KLF15: variants seen among roughly 807,000 people sequenced by gnomAD.
KLF15 encodes Krueppel-like factor 15.
In KLF15, 4 loss-of-function variants were observed where a neutral mutation model predicts 24.6. The ratio of observed to expected loss-of-function variants is 0.16; its 90% CI spans 0.08 to 0.37. The LOEUF is 0.37. KLF15 is among the 10% of genes least tolerant of loss of function. KLF15 has a pLI of 1.00. For missense variants in KLF15, 496 were observed against 560.6 expected, an observed-to-expected ratio of 0.88 and a Z score of 1.16; for synonymous variants, 246 against 236.3, an observed-to-expected ratio of 1.04 and a Z score of -0.37.
rs774273199 is a variant in KLF15, at chr3:126,352,713, G to T, written c.210C>A (p.Thr70=). The change falls in exon 2 of 3, where the codon ACC becomes ACA. Residue 70 remains threonine, a synonymous_variant. Coordinates refer to ENST00000296233, the MANE Select transcript of KLF15 (RefSeq NM_014079.4). ...LCSCYGGGLG[T]ESQDSILDFL... Reference sequence around the variant, plus strand: ...AGTCCAAGATGCTGTCCTGGCTCTCGGTGCCCAGGCCTCCACCATAGCAGG... The same window carrying T: ...AGTCCAAGATGCTGTCCTGGCTCTCTGTGCCCAGGCCTCCACCATAGCAGG... 6.3e-7 allele frequency: 1 copy of T among 1,579,486 alleles called. No individual in the cohort carries two copies. Among genetic ancestry groups the T allele is most frequent in the Non-Finnish European group, 8.6e-7 (1 of 1,162,806 alleles).
At chr3:126,350,294 A>G (rs2082572640) in intron 2 of KLF15, among the ~76,000 whole-genome samples, 2 of 152,246 alleles carry the variant, frequency 1.3e-5, no homozygotes, top group Non-Finnish European at 2.9e-5. Context: ...GCCTAGGTAC[A>G]AAGCTCAGAG....
At chr3:126,310,734 G>A in the KLF15 span, among the ~76,000 whole-genome samples, 1 of 152,128 alleles carries the variant, frequency 6.6e-6, no homozygotes, top group Non-Finnish European at 1.5e-5. Context: ...AAGTCTTAAT[G>A]GATTAGGGCT....
chr3:126,294,864 TACACACACACACAC>T, the KLF15 span, among the ~76,000 whole-genome samples: 37 of 141,968 alleles, frequency 2.6e-4, no homozygotes, highest in African/African-American at 3.9e-4. Context: ...TGCCCCTCCA[TACACACACACACAC>T]ACACACACAC....
the KLF15 span, among the ~76,000 whole-genome samples, chr3:126,312,765 G>A: frequency 8.5e-3 from 1,298 of 152,324 alleles, 21 homozygotes; most frequent in African/African-American, 0.029. Context: ...CAGTTTTGGA[G>A]GCTGCAAGTC....
chr3:126,289,719 CG>C, the KLF15 span, among the ~76,000 whole-genome samples: 19 of 152,174 alleles, frequency 1.2e-4, no homozygotes, highest in Non-Finnish European at 2.1e-4. Context: ...TCTATGGATG[CG>C]TAACAACTTA....
In KLF15 at chr3:126,352,497, C is replaced by T. The variant is rs747671531; in HGVS notation, c.426G>A (p.Glu142=). 2 of 1,613,318 alleles carry T rather than the reference C, an allele frequency of 1.2e-6. No homozygotes were observed. Among genetic ancestry groups the T allele is most frequent in the African/African-American group, 2.7e-5 (2 of 74,940 alleles). The change falls in exon 2 of 3, where the codon GAG becomes GAA. Residue 142 remains glutamate, a synonymous_variant. Transcript: ENST00000296233. The stretch of plus-strand genomic sequence containing the variant: ...TCTCCTCCAGAAACTCTTCAATCTC[C>T]TCCAGGGTAGGCTGGAAGGGCCGTG... ...DVPRPFQPTL[E]EIEEFLEENM...
chr3:126,338,902 GT>G (rs1256957308), downstream of KLF15, among the ~76,000 whole-genome samples: 1 of 152,204 alleles, frequency 6.6e-6, no homozygotes, highest in Non-Finnish European at 1.5e-5. Flanking sequence ...TCAGCTCAGG[GT>G]TGAGGCCAAA....
At chr3:126,309,131 T>C in the KLF15 span, among the ~76,000 whole-genome samples, 2 of 152,082 alleles carry the variant, frequency 1.3e-5, no homozygotes, top group African/African-American at 4.8e-5. Flanking sequence ...CACCGTGACG[T>C]CAGGAGTCAA....
At chr3:126,348,104 A>G (rs774841736) in intron 2 of KLF15, among the ~76,000 whole-genome samples, 1 of 152,162 alleles carries the variant, frequency 6.6e-6, no homozygotes, top group Non-Finnish European at 1.5e-5. Flanking sequence ...GTTAGCACCC[A>G]ACACCGGGGT....
chr3:126,317,168 G>A, the KLF15 span, among the ~76,000 whole-genome samples: 2 of 152,162 alleles, frequency 1.3e-5, no homozygotes, highest in African/African-American at 4.8e-5. Context: ...TGGGGGCTGG[G>A]CCGCATTGCT....
the KLF15 span, among the ~76,000 whole-genome samples, chr3:126,302,143 A>G: frequency 6.6e-6 from 1 of 152,186 alleles, no homozygotes; most frequent in Non-Finnish European, 1.5e-5. Flanking sequence ...CCCATGGGTT[A>G]TTTAAAAGTG....
chr3:126,323,453 ATATATATAACATATATAT>A, the KLF15 span, among the ~76,000 whole-genome samples: 69 of 101,782 alleles, frequency 6.8e-4, 5 homozygotes, highest in African/African-American at 3.0e-3. Context: ...TATGTTATAT[ATATATATAACATATATAT>A]GTTATATATA....
At chr3:126,337,255 G>A in the KLF15 span, among the ~76,000 whole-genome samples, 5 of 133,736 alleles carry the variant, frequency 3.7e-5, no homozygotes, top group African/African-American at 1.5e-4. Flanking sequence ...CATAAAAAAT[G>A]ATGAGTTCGT....
downstream of KLF15, among the ~76,000 whole-genome samples, chr3:126,340,581 A>G (rs2082472571): frequency 6.6e-6 from 1 of 151,958 alleles, no homozygotes; most frequent in Admixed American, 6.6e-5. Flanking sequence ...TCTACCTAGT[A>G]CAGTGATCAG....
chr3:126,320,347 CA>C, the KLF15 span, among the ~76,000 whole-genome samples: 1 of 152,216 alleles, frequency 6.6e-6, no homozygotes, highest in Non-Finnish European at 1.5e-5. Context: ...GCCAGCCCAA[CA>C]AAATGTAGCC....
At chr3:126,294,248 G>C in the KLF15 span, among the ~76,000 whole-genome samples, 2 of 152,134 alleles carry the variant, frequency 1.3e-5, no homozygotes, top group Non-Finnish European at 2.9e-5. Flanking sequence ...CTCTTGGTTA[G>C]GGTGGTGCCT....
At chr3:126,332,071 A>C in the KLF15 span, among the ~76,000 whole-genome samples, 2 of 152,220 alleles carry the variant, frequency 1.3e-5, no homozygotes, top group Non-Finnish European at 2.9e-5. Context: ...AGCCCACCAC[A>C]GCTCAAGGAG....
At chr3:126,305,076 C>T in the KLF15 span, among the ~76,000 whole-genome samples, 2 of 152,144 alleles carry the variant, frequency 1.3e-5, no homozygotes, top group African/African-American at 2.4e-5. Flanking sequence ...ATCAACTCTC[C>T]TTTTCTCCAT....
In KLF15 at chr3:126,343,523, C is replaced by T; in HGVS notation, c.*204G>A. The T allele has an allele frequency of 1.8e-6, 1 of 541,684 alleles. No homozygotes were observed. Among genetic ancestry groups the T allele is most frequent in the East Asian group, 3.5e-5 (1 of 28,560 alleles). The allele number at this position is 541,684 out of a possible 1,614,324, so 33.6% of individuals were successfully genotyped here. A position where few individuals can be genotyped will look rare whatever the true frequency, so the allele number is the denominator to read the frequency against. ...CCAGCCCCGTGCGCCTGGGGCCCAGCCCCCAGGGACGCGGGTTCGAGGCTC... is the reference window on the plus strand; with the variant it reads ...CCAGCCCCGTGCGCCTGGGGCCCAGTCCCCAGGGACGCGGGTTCGAGGCTC... On this transcript the variant is annotated 3_prime_UTR_variant, in exon 3 of 3. Coordinates refer to ENST00000296233, the MANE Select transcript of KLF15 (RefSeq NM_014079.4).
Sources: allele counts gnomAD v4.1 joint callset (sites outside exome capture counted in the v4.1 genomes callset), GRCh38; gene constraint gnomAD v4.1.1; transcripts MANE v1.5; gene names NCBI Gene and HGNC (gene_info 2026-07-23, HGNC 2026-07-21).